MDN1: variants seen among roughly 807,000 people sequenced by gnomAD.
The protein encoded by MDN1 is midasin.
MDN1 carries 266 observed loss-of-function variants against 669.2 expected under a neutral mutation model. The ratio of observed to expected loss-of-function variants is 0.40; its 90% confidence interval spans 0.36 to 0.44. MDN1 has a LOEUF of 0.44. Among genes scored for constraint, MDN1 ranks in the 20% least tolerant of loss-of-function variants. The pLI is 1.00. For missense variants in MDN1, 5,940 were observed against 6,754.0 expected (o/e 0.88, Z 4.22); for synonymous variants, 2,385 against 2,457.1 (o/e 0.97, Z 0.87).
rs1812573126 is a variant in MDN1, at chr6:89,694,293, T to C, written c.9772-110A>G. ...ACAAGATGGAAGGAATCTGGGTTCC[T>C]GAATGACCCAAGGAGAGGTGGCTCT... On this transcript the variant is annotated intron_variant, in intron 61 of 101. Transcript: ENST00000369393. 3.4e-6 allele frequency: 3 copies of C among 872,140 alleles called. No homozygotes were observed. In the East Asian group the frequency reaches 7.7e-5, roughly 22 times the overall value. The allele number at this position is 872,140 out of a possible 1,614,324, so 54.0% of individuals were successfully genotyped here.
At position 89,718,971 on chromosome 6, in the gene MDN1, CAG is replaced by C; in HGVS notation, c.6115_6116del (p.Leu2039ValfsTer61). On this transcript the variant is annotated frameshift_variant, in exon 42 of 102. Coordinates refer to ENST00000369393, the MANE Select transcript of MDN1 (RefSeq NM_014611.3). LOFTEE classifies it high-confidence loss of function. ...SCVPHPSRHP[L>X]LLLHQSFQPL... ...GTTGGAATGACTGGTGCAGGAGCAA[CAG>C]GGGATGGCGGGACGGGTGAGGAACA... 1 of 1,614,120 alleles carries C rather than the reference CAG, an allele frequency of 6.2e-7. No homozygotes were observed. The highest frequency in any genetic ancestry group is 2.2e-5 in the East Asian group (1 of 44,874).
intron 58 of MDN1, 117 bp downstream of exon 58, chr6:89,699,484 C>A: frequency 2.4e-6 from 3 of 1,226,062 alleles, no homozygotes; most frequent in Admixed American, 2.6e-5. Context: ...TCAAAAAAAC[C>A]TGAGGTTTCC....
At chr6:89,724,969 A>G (rs1241379265) in intron 38 of MDN1, among the ~76,000 whole-genome samples, 1 of 152,200 alleles carries the variant, frequency 6.6e-6, no homozygotes, top group East Asian at 1.9e-4. Context: ...AAGGCTGGGG[A>G]CCTTACTTTC....
intron 1 of MDN1, among the ~76,000 whole-genome samples, chr6:89,809,536 G>A (rs1204122086): frequency 1.3e-5 from 2 of 151,890 alleles, no homozygotes; most frequent in Non-Finnish European, 2.9e-5. Context: ...AGAACTTTGG[G>A]AGGCCAAGGC....
Position 89,743,172 on chromosome 6 carries a change from A to AG in MDN1, c.4425dup (p.Ser1476LeufsTer11), listed in dbSNP as rs1017823299. On this transcript the variant is annotated frameshift_variant, in exon 31 of 102. Transcript: ENST00000369393. LOFTEE classifies it high-confidence loss of function. ...TACCTGTTGAGTCTTTCCAAGACAG[A>AG]GTCATCGGCCAATGAGATCTCATCC... is the stretch of plus-strand genomic sequence containing the variant. The AG allele has an allele frequency of 6.2e-7, 1 of 1,614,152 alleles. No homozygotes were observed.
intron 20 of MDN1, among the ~76,000 whole-genome samples, chr6:89,754,552 CAAAG>C (rs1458151334): frequency 2.6e-5 from 4 of 152,138 alleles, no homozygotes; most frequent in Admixed American, 6.5e-5. Flanking sequence ...GCTTAAGGGA[CAAAG>C]AAAGTTCCTA....
intron 33 of MDN1, among the ~76,000 whole-genome samples, chr6:89,733,632 CAA>C (rs200834077): frequency 4.9e-5 from 6 of 123,008 alleles, no homozygotes; most frequent in Admixed American, 1.6e-4. Flanking sequence ...ATACTGATTA[CAA>C]AAAAAAAAAA....
intron 2 of MDN1, 132 bp downstream of exon 2, chr6:89,803,195 TA>T: frequency 1.3e-6 from 1 of 773,568 alleles, no homozygotes. Flanking sequence ...ACTCTTTTTA[TA>T]AAACAATACT....
At chr6:89,813,242 A>T (rs1768565668) in intron 1 of MDN1, among the ~76,000 whole-genome samples, 2 of 152,078 alleles carry the variant, frequency 1.3e-5, no homozygotes, top group South Asian at 2.1e-4. Flanking sequence ...CGGCCACAAA[A>T]TTTTTTTTAG....
At chr6:89,741,085 A>G (rs1816273017) in intron 31 of MDN1, among the ~76,000 whole-genome samples, 1 of 152,136 alleles carries the variant, frequency 6.6e-6, no homozygotes, top group Non-Finnish European at 1.5e-5. Flanking sequence ...TACAAAAATT[A>G]GCAGACTGTG....
chr6:89,658,073 G>A, intron 90 of MDN1, 136 bp downstream of exon 90: 5 of 1,010,942 alleles, frequency 4.9e-6, no homozygotes, highest in African/African-American at 3.2e-5. Flanking sequence ...GATGTGGTCT[G>A]TTAGATGTCA....
At chr6:89,756,968 CA>C (rs1344850716) in intron 19 of MDN1, among the ~76,000 whole-genome samples, 1 of 151,570 alleles carries the variant, frequency 6.6e-6, no homozygotes, top group African/African-American at 2.4e-5. Context: ...TCCTCATTTT[CA>C]AGTGTTTTTT....
At chr6:89,693,233 G>C in intron 62 of MDN1, 85 bp from the exon 63 acceptor site, 1 of 911,168 alleles carries the variant, frequency 1.1e-6, no homozygotes, top group Non-Finnish European at 1.7e-6. Flanking sequence ...GAAAACCGAA[G>C]GAAGAAACAT....
In MDN1 at chr6:89,772,555, A is replaced by G. The variant is rs371693729; in HGVS notation, c.2083+18T>C. On this transcript the variant is annotated intron_variant, in intron 14 of 101. Transcript: ENST00000369393. ...GTGTGAAATATCTGGGGGCAGATTT[A>G]TTTCCTCTAGGGATTACCTGTAATG... The G allele has an allele frequency of 5.0e-6, 8 of 1,604,190 alleles. No homozygotes were observed. In the African/African-American group the frequency reaches 1.1e-4, roughly 22 times the overall value.
intron 26 of MDN1, among the ~76,000 whole-genome samples, chr6:89,747,707 T>C (rs186377782): frequency 1.2e-3 from 177 of 150,990 alleles, no homozygotes; most frequent in Admixed American, 2.7e-3. Flanking sequence ...CTGGCTAACA[T>C]GGTGAAACCC....
At chr6:89,762,583 T>C (rs1817611548) in intron 15 of MDN1, 53 bp from the exon 16 acceptor site, 2 of 1,362,848 alleles carry the variant, frequency 1.5e-6, no homozygotes, top group African/African-American at 2.9e-5. Context: ...TTAACAGAAG[T>C]TAGAAAGCAT....
intron 1 of MDN1, among the ~76,000 whole-genome samples, chr6:89,812,280 A>G (rs1056851310): frequency 2.0e-5 from 3 of 151,958 alleles, no homozygotes; most frequent in Non-Finnish European, 2.9e-5. Flanking sequence ...CACCGCGCCC[A>G]GCCAAGAAAA....
intron 65 of MDN1, among the ~76,000 whole-genome samples, chr6:89,689,476 A>G (rs1259485824): frequency 6.6e-6 from 1 of 152,204 alleles, no homozygotes; most frequent in African/African-American, 2.4e-5. Context: ...ACCATATTCT[A>G]CAAGATTGGT....
chr6:89,720,682 GTGGA>G (rs1174837261), intron 40 of MDN1, among the ~76,000 whole-genome samples: 1 of 152,146 alleles, frequency 6.6e-6, no homozygotes, highest in Admixed American at 6.5e-5. Context: ...TATACTATAA[GTGGA>G]TGAAGAAATT....
Sources: allele counts gnomAD v4.1 joint callset (sites outside exome capture counted in the v4.1 genomes callset), GRCh38; gene constraint gnomAD v4.1.1; transcripts MANE v1.5; gene names NCBI Gene and HGNC (gene_info 2026-07-23, HGNC 2026-07-21).